GIPC2: variants seen among roughly 807,000 people sequenced by gnomAD.
GIPC2 encodes PDZ domain-containing protein GIPC2.
A neutral mutation model predicts 30.6 loss-of-function variants in GIPC2; 30 were observed. That is an observed-to-expected ratio of 0.98 (90% CI 0.73 to 1.33). The LOEUF (loss-of-function observed/expected upper bound fraction) is 1.33. Ranked by LOEUF, GIPC2 falls within the 40% of genes most tolerant of loss-of-function variation. The pLI is 0.00. For missense variants in GIPC2, 414 were observed against 390.3 expected (o/e 1.06, Z -0.51); for synonymous variants, 167 against 150.0 (o/e 1.11, Z -0.83).
chr1:78,131,595 A>T (rs1278752053), intron 5 of GIPC2, among the ~76,000 whole-genome samples: 2 of 152,224 alleles, frequency 1.3e-5, no homozygotes, highest in Non-Finnish European at 2.9e-5. Context: ...TTATGTTAAT[A>T]TGCTGTACCT....
chr1:78,100,939 A>AAC (rs1237405825), intron 3 of GIPC2, among the ~76,000 whole-genome samples: 1 of 87,018 alleles, frequency 1.1e-5, no homozygotes, highest in Non-Finnish European at 2.2e-5. Context: ...AAAAAAAAAA[A>AAC]ATACACACAC....
chr1:78,090,884 G>T (rs1056942116), intron 2 of GIPC2, among the ~76,000 whole-genome samples: 2 of 152,142 alleles, frequency 1.3e-5, no homozygotes, highest in Non-Finnish European at 2.9e-5. Context: ...GTGAAAACAG[G>T]TACTGTTTGA....
intron 3 of GIPC2, among the ~76,000 whole-genome samples, chr1:78,098,170 G>A (rs141704346): frequency 1.6e-3 from 237 of 152,258 alleles, no homozygotes; most frequent in African/African-American, 5.4e-3. Flanking sequence ...AGGGAGAAGC[G>A]TATTGTCAAT....
chr1:78,068,787 T>C (rs1048317097), intron 1 of GIPC2, among the ~76,000 whole-genome samples: 3 of 152,232 alleles, frequency 2.0e-5, no homozygotes, highest in Middle Eastern at 3.4e-3. Context: ...TTTGGAAGGC[T>C]AGGGAGAGGG....
intron 3 of GIPC2, among the ~76,000 whole-genome samples, chr1:78,109,974 G>A (rs1242972792): frequency 6.6e-6 from 1 of 152,056 alleles, no homozygotes; most frequent in African/African-American, 2.4e-5. Flanking sequence ...ACTCGTAGGT[G>A]GGAATTGAAC....
intron 3 of GIPC2, among the ~76,000 whole-genome samples, chr1:78,096,699 A>G (rs1448176937): frequency 6.6e-6 from 1 of 152,126 alleles, no homozygotes; most frequent in East Asian, 1.9e-4. Context: ...TCACTGCCTT[A>G]TGTACCTAAC....
At chr1:78,126,494 T>C (rs1012604995) in intron 5 of GIPC2, among the ~76,000 whole-genome samples, 3 of 152,036 alleles carry the variant, frequency 2.0e-5, no homozygotes, top group Non-Finnish European at 4.4e-5. Flanking sequence ...ACTCTACCAG[T>C]TGCAAATGAC....
intron 2 of GIPC2, among the ~76,000 whole-genome samples, chr1:78,087,793 GC>G (rs1168823054): frequency 1.3e-5 from 2 of 152,136 alleles, no homozygotes; most frequent in East Asian, 3.8e-4. Context: ...CTTCTGCACA[GC>G]AAGAGAAACT....
chr1:78,106,000 T>A (rs1218321573), intron 3 of GIPC2, among the ~76,000 whole-genome samples: 1 of 151,620 alleles, frequency 6.6e-6, no homozygotes, highest in African/African-American at 2.4e-5. Flanking sequence ...CTTTGGAGGC[T>A]GAGGTGGGCG....
chr1:78,086,241 A>T (rs1020738392), intron 2 of GIPC2, among the ~76,000 whole-genome samples: 15 of 151,658 alleles, frequency 9.9e-5, no homozygotes, highest in Admixed American at 3.9e-4. Flanking sequence ...GGTTTTAGCA[A>T]TTTTCTTGAC....
At chr1:78,127,455 T>C (rs79799707) in intron 5 of GIPC2, among the ~76,000 whole-genome samples, 3,487 of 152,320 alleles carry the variant, frequency 0.023, 138 homozygotes, top group African/African-American at 0.08. Context: ...TTCCTTATCA[T>C]GCCAGCTAAA....
chr1:78,057,526 G>A (rs138232536), intron 1 of GIPC2, among the ~76,000 whole-genome samples: 1 of 152,172 alleles, frequency 6.6e-6, no homozygotes, highest in Non-Finnish European at 1.5e-5. Flanking sequence ...AAATCACTGT[G>A]GAGATATTTC....
intron 3 of GIPC2, among the ~76,000 whole-genome samples, chr1:78,116,945 T>C (rs1168071099): frequency 6.6e-6 from 1 of 152,122 alleles, no homozygotes; most frequent in Non-Finnish European, 1.5e-5. Context: ...TCTTCCACAA[T>C]GGTTGAACTA....
intron 1 of GIPC2, among the ~76,000 whole-genome samples, chr1:78,075,409 T>C (rs1661700318): frequency 6.6e-6 from 1 of 152,190 alleles, no homozygotes; most frequent in Non-Finnish European, 1.5e-5. Flanking sequence ...TAAACCATGA[T>C]CACACTACTG....
At chr1:78,087,283 T>C (rs1314561634) in intron 2 of GIPC2, among the ~76,000 whole-genome samples, 1 of 152,172 alleles carries the variant, frequency 6.6e-6, no homozygotes, top group Non-Finnish European at 1.5e-5. Flanking sequence ...AAAGCCTGAA[T>C]AGCCAAGATA....
At chr1:78,086,903 T>C (rs1008527103) in intron 2 of GIPC2, among the ~76,000 whole-genome samples, 1 of 152,180 alleles carries the variant, frequency 6.6e-6, no homozygotes, top group African/African-American at 2.4e-5. Flanking sequence ...TGCCACTCTG[T>C]GCATTTTAAA....
At chr1:78,133,942 C>G (rs1385751750) in intron 5 of GIPC2, among the ~76,000 whole-genome samples, 1 of 152,164 alleles carries the variant, frequency 6.6e-6, no homozygotes, top group Non-Finnish European at 1.5e-5. Context: ...ATGTTCCCAT[C>G]ATTTTGTGAC....
chr1:78,046,039 G>C lies in GIPC2; in HGVS notation c.-56G>C, dbSNP rs374969449. On this transcript the variant is annotated 5_prime_UTR_variant, in exon 1 of 6. Transcript: ENST00000370759. The stretch of plus-strand genomic sequence containing the variant: ...CCGGGGCGCAAAGTCCGAGGCGCCG[G>C]GGGGAGGAGGCGGCGGACGGCAGCG... 2.3e-4 allele frequency: 316 copies of C among 1,399,924 alleles called. No homozygotes were observed. The Middle Eastern group carries it at 3.7e-3, about 16-fold the overall frequency. The allele number at this position is 1,399,924 out of a possible 1,614,324, so 86.7% of individuals were successfully genotyped here. A position where few individuals can be genotyped will look rare whatever the true frequency, so the allele number is the denominator to read the frequency against.
chr1:78,091,619 G>A, intron 2 of GIPC2: 1 of 768,356 alleles, frequency 1.3e-6, no homozygotes, highest in Non-Finnish European at 2.4e-6. Context: ...CGTCGTGTCT[G>A]CCATCCCCAT....
Sources: gnomAD v4.1 joint callset for allele counts (sites outside exome capture counted in the v4.1 genomes callset) on GRCh38, gnomAD v4.1.1 for gene constraint, MANE v1.5 for transcripts, NCBI Gene and HGNC (gene_info 2026-07-23, HGNC 2026-07-21) for gene names.